The following SAMHD1 variants were observed in gnomAD, a reference collection of about 807,000 sequenced individuals.
SAMHD1 encodes deoxynucleoside triphosphate triphosphohydrolase SAMHD1.
SAMHD1 carries 54 observed loss-of-function variants against 79.6 expected under a neutral mutation model. That is an observed-to-expected ratio of 0.68 (90% CI 0.55 to 0.85). The LOEUF is 0.85. Among genes scored for constraint, SAMHD1 ranks in the 40% least tolerant of loss-of-function variants. The pLI, the probability that SAMHD1 is intolerant of heterozygous loss-of-function variation, is 0.00. For missense variants in SAMHD1, 663 were observed against 782.7 expected, an observed-to-expected ratio of 0.85 and a Z score of 1.82; for synonymous variants, 260 against 264.1, an observed-to-expected ratio of 0.98 and a Z score of 0.15.
chr20:36,947,724 G>C (rs2063703902), intron 1 of SAMHD1, among the ~76,000 whole-genome samples: 1 of 152,044 alleles, frequency 6.6e-6, no homozygotes, highest in South Asian at 2.1e-4. Context: ...TTGGAGTGCA[G>C]TGGTGCGATC....
rs569571932 is a variant in SAMHD1, at chr20:36,892,918, C to G, written c.*14G>C. On this transcript the variant is annotated 3_prime_UTR_variant, in exon 16 of 16. Transcript: ENST00000646673. ...TGCAGGAGAGGGAGTTTGTAAACAA[C>G]TGACTACAGACATTCACATTGGGTC... The G allele has an allele frequency of 3.1e-6, 5 of 1,613,992 alleles. 1 individual carries two copies. In the African/African-American group the frequency reaches 6.7e-5, roughly 22 times the overall value.
chr20:36,933,015 A>G (rs185192350), intron 4 of SAMHD1, among the ~76,000 whole-genome samples: 4 of 152,260 alleles, frequency 2.6e-5, no homozygotes, highest in Admixed American at 2.0e-4. Flanking sequence ...CATCTGAGCC[A>G]TTCCTAAATT....
chr20:36,944,407 A>G (rs2063670554), intron 2 of SAMHD1, among the ~76,000 whole-genome samples: 1 of 152,168 alleles, frequency 6.6e-6, no homozygotes, highest in Non-Finnish European at 1.5e-5. Flanking sequence ...TAAATGTTCT[A>G]CAGTGATCTT....
chr20:36,939,189 G>T (rs1443632482), intron 3 of SAMHD1, among the ~76,000 whole-genome samples: 14 of 135,486 alleles, frequency 1.0e-4, no homozygotes, highest in Non-Finnish European at 9.1e-5. Flanking sequence ...GGGAGGCAGA[G>T]GTTGCAGTGA....
intron 13 of SAMHD1, among the ~76,000 whole-genome samples, chr20:36,899,014 G>C (rs1468552371): frequency 1.3e-5 from 2 of 151,778 alleles, no homozygotes. Flanking sequence ...AAAATAACTG[G>C]TTCGTGACCA....
intron 5 of SAMHD1, among the ~76,000 whole-genome samples, chr20:36,930,250 C>T (rs1472593852): frequency 6.6e-6 from 1 of 151,980 alleles, no homozygotes; most frequent in Non-Finnish European, 1.5e-5. Flanking sequence ...AATCCCAGCA[C>T]TTTGGGAGGC....
At chr20:36,915,920 G>A (rs1271691309) in intron 9 of SAMHD1, among the ~76,000 whole-genome samples, 1 of 152,100 alleles carries the variant, frequency 6.6e-6, no homozygotes, top group Non-Finnish European at 1.5e-5. Flanking sequence ...AGCACTTTGG[G>A]AGGCCGAGGC....
chr20:36,907,445 A>AT (rs1404368438), intron 11 of SAMHD1, among the ~76,000 whole-genome samples: 5 of 151,886 alleles, frequency 3.3e-5, no homozygotes, highest in African/African-American at 1.2e-4. Flanking sequence ...GCTAGTTTAA[A>AT]TGTAAATATA....
At chr20:36,924,263 G>A (rs1156578260) in intron 6 of SAMHD1, among the ~76,000 whole-genome samples, 2 of 150,380 alleles carry the variant, frequency 1.3e-5, no homozygotes, top group Non-Finnish European at 3.0e-5. Context: ...GGGAGGGGAG[G>A]GGAAAGGAGG....
intron 1 of SAMHD1, among the ~76,000 whole-genome samples, chr20:36,948,639 C>A (rs138963706): frequency 6.6e-6 from 1 of 150,962 alleles, no homozygotes. Flanking sequence ...GAGGCCAAGG[C>A]GTGTGAATCA....
At chr20:36,899,320 C>T (rs979044415) in intron 13 of SAMHD1, among the ~76,000 whole-genome samples, 4 of 151,150 alleles carry the variant, frequency 2.6e-5, no homozygotes, top group African/African-American at 4.9e-5. Context: ...TCAAGCTACT[C>T]GGGAGGCTGA....
At chr20:36,894,624 G>A (rs187957853) in intron 15 of SAMHD1, among the ~76,000 whole-genome samples, 9 of 151,692 alleles carry the variant, frequency 5.9e-5, no homozygotes, top group African/African-American at 1.2e-4. Flanking sequence ...AAAATTAGCC[G>A]GGCATGGTGG....
At chr20:36,924,422 A>AAAG (rs1229915118) in intron 6 of SAMHD1, among the ~76,000 whole-genome samples, 1 of 152,120 alleles carries the variant, frequency 6.6e-6, no homozygotes, top group African/African-American at 2.4e-5. Context: ...AAGGGAGAGA[A>AAAG]AAGAAAAAAA....
chr20:36,905,304 G>A, intron 12 of SAMHD1, 60 bp downstream of exon 12: 1 of 1,538,580 alleles, frequency 6.5e-7, no homozygotes, highest in Admixed American at 1.7e-5. Context: ...ATAGGTTAGT[G>A]GTCTCCTCTT....
At position 36,897,944 on chromosome 20, in the gene SAMHD1, G is replaced by A; in HGVS notation, c.1624C>T (p.Pro542Ser). The A allele has an allele frequency of 6.2e-7, 1 of 1,614,104 alleles. No homozygotes were observed. The highest frequency in any genetic ancestry group is 8.5e-7 in the Non-Finnish European group (1 of 1,180,036). Reference protein sequence around the residue: ...ITKNQVSQLLPEKFAEQLIRV... With the variant: ...ITKNQVSQLLSEKFAEQLIRV... ...ATCAGCTGCTCTGCAAATTTCTCTG[G>A]CAGAAGTTGTGAAACCTTTTTAAAA... The change falls in exon 15 of 16, where the codon CCA (proline) becomes TCA (serine). Residue 542 changes from proline (P) to serine (S), a missense_variant. Coordinates refer to ENST00000646673, the MANE Select transcript of SAMHD1 (RefSeq NM_015474.4).
chr20:36,900,140 C>T (rs1164932318), intron 13 of SAMHD1, among the ~76,000 whole-genome samples: 1 of 151,558 alleles, frequency 6.6e-6, no homozygotes, highest in Non-Finnish European at 1.5e-5. Flanking sequence ...AGAACTTTGG[C>T]TGTTCAGAGG....
At chr20:36,913,299 G>A (rs540313046) in intron 9 of SAMHD1, among the ~76,000 whole-genome samples, 1 of 150,540 alleles carries the variant, frequency 6.6e-6, no homozygotes, top group East Asian at 2.0e-4. Flanking sequence ...GCCCGGCCAA[G>A]AACTTTCATT....
In SAMHD1 at chr20:36,897,885, A is replaced by C. The variant is rs1268840186; in HGVS notation, c.1683T>G (p.Ser561Arg). The C allele has an allele frequency of 1.9e-6, 3 of 1,613,882 alleles. No homozygotes were observed. The highest frequency in any genetic ancestry group is 2.5e-6 in the Non-Finnish European group (3 of 1,180,014). The change falls in exon 15 of 16, where the codon AGT becomes AGG. Residue 561 changes from serine (S) to arginine (R), a missense_variant. Coordinates refer to ENST00000646673, the MANE Select transcript of SAMHD1 (RefSeq NM_015474.4). ...CAAAATATTGTCTTGCGGCATACAA[A>C]CTCTTTCTGTCCACCTTCTTACAAT... ...RVYCKKVDRK[S>R]LYAARQYFVQ... is the part of the protein sequence containing the mutation.
At chr20:36,932,857 TA>T (rs1385427375) in intron 4 of SAMHD1, among the ~76,000 whole-genome samples, 2 of 152,224 alleles carry the variant, frequency 1.3e-5, no homozygotes, top group African/African-American at 4.8e-5. Context: ...TTAACCCTAC[TA>T]AACTGTACAC....
Sources: gnomAD v4.1 joint callset for allele counts (sites outside exome capture counted in the v4.1 genomes callset) on GRCh38, gnomAD v4.1.1 for gene constraint, MANE v1.5 for transcripts, NCBI Gene and HGNC (gene_info 2026-07-23, HGNC 2026-07-21) for gene names.